ITGA5: variants seen among roughly 807,000 people sequenced by gnomAD.
ITGA5 encodes integrin subunit alpha 5.
A neutral mutation model predicts 146.3 loss-of-function variants in ITGA5; 55 were observed. That is an observed-to-expected ratio of 0.38 (90% CI 0.30 to 0.47). ITGA5 has a LOEUF of 0.47. Ranked by LOEUF, ITGA5 falls within the 20% of genes least tolerant of loss-of-function variation. The pLI is 0.99. For synonymous variants in ITGA5, 500 were observed against 531.8 expected, an observed-to-expected ratio of 0.94 and a Z score of 0.82; for missense variants, 1,131 against 1,329.0, an observed-to-expected ratio of 0.85 and a Z score of 2.32.
At position 54,403,571 on chromosome 12, in the gene ITGA5, G is replaced by T. The variant is rs1194674591; in HGVS notation, c.1776+54C>A. The T allele has an allele frequency of 1.3e-6, 2 of 1,568,684 alleles. No homozygotes were observed. The highest frequency in any genetic ancestry group is 2.3e-5 in the East Asian group (1 of 44,402). On this transcript the variant is annotated intron_variant, in intron 17 of 29. Coordinates refer to ENST00000293379, the MANE Select transcript of ITGA5 (RefSeq NM_002205.5). This position sits in a 1 kb window ranked among gnomAD's most constrained non-coding sequence, Gnocchi z 4.9. ...TTTTTCCCTTCAGGAGGTGCCCTCA[G>T]TTCTGTGTGGCCACCCTCCCTGGCC...
At position 54,407,466 on chromosome 12, in the gene ITGA5, G is replaced by C; in HGVS notation, c.906+183C>G. The C allele has an allele frequency of 6.2e-6, 4 of 643,100 alleles. No homozygotes were observed. In the South Asian group the frequency reaches 7.2e-5, roughly 12 times the overall value. 39.8% of individuals were successfully genotyped at this position (643,100 alleles called of 1,614,324 possible). On this transcript the variant is annotated intron_variant, in intron 9 of 29. Transcript: ENST00000293379. ...GAAGAAGGCTCAGAGAGGTTCAGCA[G>C]GAAGCAGAGTATGAATAAAGAGCAG... is the stretch of plus-strand genomic sequence containing the variant.
chr12:54,409,790 T>G lies in ITGA5; in HGVS notation c.350-193A>C, dbSNP rs1955917813. The stretch of plus-strand genomic sequence containing the variant: ...CTGTTTGTGTAGCCTGACTTATCTC[T>G]CCACTACACACATACACATACACAC... On this transcript the variant is annotated intron_variant, in intron 2 of 29. Coordinates refer to ENST00000293379, the MANE Select transcript of ITGA5 (RefSeq NM_002205.5). The surrounding 1 kb of genome is among the most constrained non-coding windows in gnomAD (Gnocchi z 4.7). 3.5e-6 allele frequency: 2 copies of G among 574,300 alleles called. No homozygotes were observed. The highest frequency in any genetic ancestry group is 3.8e-5 in the African/African-American group (2 of 53,238). The allele number at this position is 574,300 out of a possible 1,614,324, so 35.6% of individuals were successfully genotyped here. A position where few individuals can be genotyped will look rare whatever the true frequency, so the allele number is the denominator to read the frequency against.
At chr12:54,417,931 C>T (rs1592296005) in intron 1 of ITGA5, among the ~76,000 whole-genome samples, 1 of 152,304 alleles carries the variant, frequency 6.6e-6, no homozygotes, top group East Asian at 1.9e-4. Context: ...ACTCTAACTC[C>T]TGTTTCCCAA....
At chr12:54,407,985 G>C (rs530695840) in intron 7 of ITGA5, 109 bp from the exon 8 acceptor site, 14 of 1,516,510 alleles carry the variant, frequency 9.2e-6, no homozygotes, top group Non-Finnish European at 1.2e-5. Flanking sequence ...TAGTCAGCAG[G>C]CACATGACAA....
chr12:54,409,113 C>T lies in ITGA5; in HGVS notation c.583+119G>A. Reference sequence around the variant, plus strand: ...GCTAACGAACTGGGTTAGCCTTTATCTTAAGCAACCTAGAACCTCATGGGG... The same window carrying T: ...GCTAACGAACTGGGTTAGCCTTTATTTTAAGCAACCTAGAACCTCATGGGG... On this transcript the variant is annotated intron_variant, in intron 4 of 29. Coordinates refer to ENST00000293379, the MANE Select transcript of ITGA5 (RefSeq NM_002205.5). This position sits in a 1 kb window ranked among gnomAD's most constrained non-coding sequence, Gnocchi z 4.7. The T allele has an allele frequency of 1.4e-6, 2 of 1,480,228 alleles. No homozygotes were observed. The highest frequency in any genetic ancestry group is 1.8e-6 in the Non-Finnish European group (2 of 1,088,562). The allele number at this position is 1,480,228 out of a possible 1,614,324, so 91.7% of individuals were successfully genotyped here.
Position 54,399,648 on chromosome 12 carries a change from C to T in ITGA5, c.2838G>A (p.Leu946=). The change falls in exon 27 of 30, where the codon TTG becomes TTA. Residue 946 remains leucine (L), a synonymous_variant. Coordinates refer to ENST00000293379, the MANE Select transcript of ITGA5 (RefSeq NM_002205.5). ...LHFRVWAKTF[L]QREHQPFSLQ... is the part of the protein sequence containing the mutation. The stretch of plus-strand genomic sequence containing the variant: ...GGCTGAGGTAAGGCTCCCTCACCTG[C>T]AAGAAAGTCTTGGCCCAGACTCGGA... 6.2e-7 allele frequency: 1 copy of T among 1,612,858 alleles called. No individual in the cohort carries two copies. Among genetic ancestry groups the T allele is most frequent in the Non-Finnish European group, 8.5e-7 (1 of 1,178,780 alleles).
At chr12:54,418,203 A>C (rs1592296142) in intron 1 of ITGA5, among the ~76,000 whole-genome samples, 5 of 144,778 alleles carry the variant, frequency 3.5e-5, no homozygotes, top group Admixed American at 6.9e-5. Context: ...GAAACCGCCC[A>C]CCCCCCTTCA....
At chr12:54,405,558 A>G in intron 11 of ITGA5, 106 bp downstream of exon 11, 3 of 1,158,786 alleles carry the variant, frequency 2.6e-6, no homozygotes, top group Non-Finnish European at 2.5e-6. Context: ...GCGAGAGTCT[A>G]GAGAAAAAGC....
intron 13 of ITGA5, 94 bp downstream of exon 13, chr12:54,404,609 T>A: frequency 6.7e-7 from 1 of 1,487,804 alleles, no homozygotes; most frequent in Non-Finnish European, 9.4e-7. Context: ...TAGCCAGAAC[T>A]GCACCCAGGA....
chr12:54,415,628 A>G (rs1008438675), intron 1 of ITGA5, among the ~76,000 whole-genome samples: 2 of 152,136 alleles, frequency 1.3e-5, no homozygotes, highest in African/African-American at 2.4e-5. Context: ...CATATCTGCT[A>G]TCTCCCCAGC....
rs752172963 is a variant in ITGA5 at position 54,399,940 on chromosome 12, G to T, written c.2651C>A (p.Pro884His). Residue 884 changes from proline to histidine, a missense_variant, in exon 26 of 30, where the codon CCC becomes CAC. By Grantham distance (77) the Pro-to-His change is moderately conservative. Transcript: ENST00000293379. Reference protein sequence around the residue: ...PINPKGLELDPEGSLHHQQKR... With the variant: ...PINPKGLELDHEGSLHHQQKR... ...TTGCTGGTGGTGCAGGGAACCCTCG[G>T]GATCCAACTATAAAAGAAAGTGTTG... The T allele has an allele frequency of 1.9e-6, 3 of 1,613,572 alleles. No individual in the cohort carries two copies. Among genetic ancestry groups the T allele is most frequent in the Non-Finnish European group, 2.5e-6 (3 of 1,179,570 alleles).
At position 54,409,413 on chromosome 12, in the gene ITGA5, C is replaced by T. The variant is rs1955912488; in HGVS notation, c.463-61G>A. 3 of 1,609,182 alleles carry T rather than the reference C, an allele frequency of 1.9e-6. No homozygotes were observed. The highest frequency in any genetic ancestry group is 1.1e-5 in the South Asian group (1 of 90,650). On this transcript the variant is annotated intron_variant, in intron 3 of 29. Transcript: ENST00000293379. The surrounding 1 kb of genome is among the most constrained non-coding windows in gnomAD (Gnocchi z 4.7). ...GTCCAATAAGGCCCTTCCTCCCTCC[C>T]TCCAGGCCCGGCCTTACCCAACCAC... is the stretch of plus-strand genomic sequence containing the variant.
intron 27 of ITGA5, 50 bp from the exon 28 acceptor site, chr12:54,398,748 G>T: frequency 7.9e-7 from 1 of 1,271,152 alleles, no homozygotes; most frequent in Non-Finnish European, 1.1e-6. Flanking sequence ...GGATCCAGAG[G>T]ACATAGGGTT....
At chr12:54,407,956 C>T (rs557832124) in intron 7 of ITGA5, 80 bp from the exon 8 acceptor site, 41 of 1,518,138 alleles carry the variant, frequency 2.7e-5, no homozygotes, top group Non-Finnish European at 3.4e-5. Context: ...ATCCCTTCCC[C>T]ACCCCTACTG....
chr12:54,403,893 C>T lies in ITGA5; in HGVS notation c.1621+18G>A. ...TTCTCTGTCCTAGGGCCTGAGAGAT[C>T]CAGGCAGTCTCCCTCACCAATGGAG... is the stretch of plus-strand genomic sequence containing the variant. On this transcript the variant is annotated intron_variant, in intron 16 of 29. Coordinates refer to ENST00000293379, the MANE Select transcript of ITGA5 (RefSeq NM_002205.5). This position sits in a 1 kb window ranked among gnomAD's most constrained non-coding sequence, Gnocchi z 4.9. 8 of 1,613,156 alleles carry T rather than the reference C, an allele frequency of 5.0e-6. 1 individual carries two copies. In the South Asian group the frequency reaches 8.8e-5, roughly 18 times the overall value.
rs779915783 is a variant in ITGA5, at chr12:54,404,241, C to A, written c.1469G>T (p.Arg490Leu). 1.3e-6 allele frequency: 2 copies of A among 1,598,538 alleles called. No individual in the cohort carries two copies. Among genetic ancestry groups the A allele is most frequent in the Non-Finnish European group, 1.7e-6 (2 of 1,172,458 alleles). ...GGAGGCACTAGCGGACACGATGGGGCGGCCCCTGCCAAGAGTGAATGTGGG... is the reference window on the plus strand; with the variant it reads ...GGAGGCACTAGCGGACACGATGGGGAGGCCCCTGCCAAGAGTGAATGTGGG... ...GVDKAVVYRG[R>L]PIVSASASLT... Residue 490 changes from arginine (R) to leucine (L), a missense_variant, in exon 15 of 30, where the codon CGC (arginine) becomes CTC (leucine). Around this residue, in one of 3 missense-constraint regions of ITGA5, gnomAD observed 889 missense variants for 1,021.5 expected, o/e 0.87. Coordinates refer to ENST00000293379, the MANE Select transcript of ITGA5 (RefSeq NM_002205.5).
At position 54,401,047 on chromosome 12, in the gene ITGA5, C is replaced by A; in HGVS notation, c.2494-52G>T. 6.4e-7 allele frequency: 1 copy of A among 1,556,896 alleles called. No individual in the cohort carries two copies. The highest frequency in any genetic ancestry group is 2.3e-5 in the East Asian group (1 of 44,352). On this transcript the variant is annotated intron_variant, in intron 24 of 29. Transcript: ENST00000293379. This position sits in a 1 kb window ranked among gnomAD's most constrained non-coding sequence, Gnocchi z 5.0. The stretch of plus-strand genomic sequence containing the variant: ...TGAGAAGGAAGGGAATGCTTCTGCC[C>A]CATTGAGACCCTGGATCACCATGGC...
intron 27 of ITGA5, among the ~76,000 whole-genome samples, chr12:54,399,158 C>G (rs1161337373): frequency 6.6e-6 from 1 of 152,010 alleles, no homozygotes; most frequent in African/African-American, 2.4e-5. Flanking sequence ...GTGAGCTTCT[C>G]TTGATGTTCC....
At position 54,401,194 on chromosome 12, in the gene ITGA5, C is replaced by T. The variant is rs2120488584; in HGVS notation, c.2493+179G>A. The stretch of plus-strand genomic sequence containing the variant: ...GCTCCATCTTTCTTTCCAAGCCACT[C>T]AATTGGCCTGTCTCTCCTCTGGCTG... On this transcript the variant is annotated intron_variant, in intron 24 of 29. Coordinates refer to ENST00000293379, the MANE Select transcript of ITGA5 (RefSeq NM_002205.5). The surrounding 1 kb of genome is among the most constrained non-coding windows in gnomAD (Gnocchi z 5.0). 6.6e-6 allele frequency among the ~76,000 whole-genome samples: 1 copy of T among 152,332 alleles called. No individual in the cohort carries two copies. The highest frequency in any genetic ancestry group is 2.1e-4 in the South Asian group (1 of 4,830).
Sources: allele counts gnomAD v4.1 joint callset (sites outside exome capture counted in the v4.1 genomes callset), GRCh38; gene constraint gnomAD v4.1.1; regional missense constraint gnomAD v4.1.1; non-coding constraint Gnocchi (gnomAD v3.1); transcripts MANE v1.5; gene names NCBI Gene and HGNC (gene_info 2026-07-23, HGNC 2026-07-21).